DLC1: variants seen among roughly 807,000 people sequenced by gnomAD.
DLC1 encodes the protein rho GTPase-activating protein 7.
Under a neutral mutation model 140.3 loss-of-function variants are expected in DLC1, and 54 were observed. That is an observed-to-expected ratio of 0.38 (90% CI 0.31 to 0.48). The LOEUF (loss-of-function observed/expected upper bound fraction) is 0.48. DLC1 is among the 20% of genes least tolerant of loss of function. The probability of loss-of-function intolerance (pLI) is 0.96; values close to 1 mark genes in which losing one functional copy is unlikely to be tolerated. For synonymous variants in DLC1, 986 were observed against 728.1 expected (o/e 1.35, Z -5.70); for missense variants, 2,536 against 1,907.0 (o/e 1.33, Z -6.14).
chr8:13,413,099 C>G (rs944307368), intron 2 of DLC1, among the ~76,000 whole-genome samples: 3 of 152,022 alleles, frequency 2.0e-5, no homozygotes, highest in African/African-American at 7.2e-5. Flanking sequence ...GACCCTGCTA[C>G]TGATAAGGAA....
At chr8:13,221,360 T>C (rs528881465) in intron 5 of DLC1, among the ~76,000 whole-genome samples, 86 of 148,446 alleles carry the variant, frequency 5.8e-4, no homozygotes, top group African/African-American at 2.1e-3. Flanking sequence ...CTTCCAAAGG[T>C]TTTCTTTTCT....
At chr8:13,239,312 G>T (rs996963479) in intron 5 of DLC1, among the ~76,000 whole-genome samples, 14 of 151,830 alleles carry the variant, frequency 9.2e-5, no homozygotes, top group Admixed American at 8.5e-4. Flanking sequence ...TCCAGTACTG[G>T]GATGCTGTGT....
At chr8:13,570,187 C>T (rs1804596333) in intron 1 of DLC1, among the ~76,000 whole-genome samples, 1 of 152,138 alleles carries the variant, frequency 6.6e-6, no homozygotes, top group African/African-American at 2.4e-5. Context: ...CCTTTCTATT[C>T]TCATGTAATC....
chr8:13,147,427 C>G (rs935204593), intron 5 of DLC1, among the ~76,000 whole-genome samples: 1 of 152,146 alleles, frequency 6.6e-6, no homozygotes, highest in Admixed American at 6.5e-5. Flanking sequence ...CCTTCTCTCA[C>G]TCATTTCGAA....
At chr8:13,360,136 C>A (rs900426033) in intron 4 of DLC1, among the ~76,000 whole-genome samples, 3 of 152,156 alleles carry the variant, frequency 2.0e-5, no homozygotes, top group Non-Finnish European at 4.4e-5. Context: ...ACATTAATTT[C>A]ATGTGTCTGA....
Position 13,085,846 on chromosome 8 carries a change from G to T in DLC1, c.4552C>A (p.Gln1518Lys). The change falls in exon 18 of 18, where the codon CAG (glutamine) becomes AAG (lysine). Residue 1518 changes from glutamine to lysine, a missense_variant. Gln to Lys is a moderately conservative substitution (Grantham distance 53). Transcript: ENST00000276297. Reference protein sequence around the residue: ...VVKIRDSFSNQNTETKDTKSR With the variant: ...VVKIRDSFSNKNTETKDTKSR Reference sequence around the variant, plus strand: ...TTGGTGTCTTTGGTTTCAGTGTTCTGGTTACTGAAGGAATCCCGGATCTTT... The same window carrying T: ...TTGGTGTCTTTGGTTTCAGTGTTCTTGTTACTGAAGGAATCCCGGATCTTT... The T allele has an allele frequency of 6.2e-7, 1 of 1,614,118 alleles. No homozygotes were observed. Among genetic ancestry groups the T allele is most frequent in the South Asian group, 1.1e-5 (1 of 91,078 alleles).
chr8:13,481,198 C>G (rs1036319236), intron 2 of DLC1, among the ~76,000 whole-genome samples: 1 of 152,066 alleles, frequency 6.6e-6, no homozygotes. Context: ...GCCAAGGCAG[C>G]TGGATCACTT....
At chr8:13,539,644 C>T (rs1053284546) in intron 1 of DLC1, among the ~76,000 whole-genome samples, 13 of 151,994 alleles carry the variant, frequency 8.6e-5, no homozygotes, top group African/African-American at 3.1e-4. Context: ...AGGAGTTGCC[C>T]AGGGAAAGTG....
At chr8:13,108,253 T>C (rs1041928324) in intron 7 of DLC1, among the ~76,000 whole-genome samples, 1 of 152,066 alleles carries the variant, frequency 6.6e-6, no homozygotes, top group Non-Finnish European at 1.5e-5. Flanking sequence ...TTTCCTTTTT[T>C]AAAAAAGAAA....
At chr8:13,435,021 A>G (rs1196336055) in intron 2 of DLC1, among the ~76,000 whole-genome samples, 1 of 152,168 alleles carries the variant, frequency 6.6e-6, no homozygotes, top group Non-Finnish European at 1.5e-5. Context: ...GTAAGGCTAT[A>G]GCTGCCATGG....
chr8:13,094,154 CTGA>C (rs1818310644), intron 12 of DLC1, among the ~76,000 whole-genome samples: 1 of 152,216 alleles, frequency 6.6e-6, no homozygotes, highest in Non-Finnish European at 1.5e-5. Context: ...TGATCTTTAT[CTGA>C]CCAGCTCAGA....
intron 5 of DLC1, among the ~76,000 whole-genome samples, chr8:13,139,820 T>C (rs1203635005): frequency 1.3e-5 from 2 of 152,362 alleles, no homozygotes; most frequent in East Asian, 1.9e-4. Context: ...AAGTAAAACA[T>C]TGTGATCACT....
intron 2 of DLC1, among the ~76,000 whole-genome samples, chr8:13,432,599 CA>C (rs1167599578): frequency 5.9e-5 from 9 of 152,278 alleles, no homozygotes; most frequent in African/African-American, 2.2e-4. Flanking sequence ...GCTTTACACC[CA>C]TGGAGGCTGG....
At chr8:13,247,108 A>G (rs1447483691) in intron 5 of DLC1, among the ~76,000 whole-genome samples, 3 of 152,224 alleles carry the variant, frequency 2.0e-5, no homozygotes, top group African/African-American at 7.2e-5. Flanking sequence ...TTTTATAAGT[A>G]TTTAGTGCAT....
chr8:13,405,142 A>AT (rs1837469049), intron 2 of DLC1, among the ~76,000 whole-genome samples: 1 of 151,658 alleles, frequency 6.6e-6, no homozygotes, highest in African/African-American at 2.4e-5. Flanking sequence ...TAATTAACAT[A>AT]TTTTTTATTT....
intron 5 of DLC1, among the ~76,000 whole-genome samples, chr8:13,163,058 G>C (rs1268998804): frequency 2.0e-5 from 3 of 152,128 alleles, no homozygotes; most frequent in African/African-American, 4.8e-5. Flanking sequence ...TGAGACACCT[G>C]TACAGGCAGG....
chr8:13,095,319 C>T, intron 10 of DLC1, 74 bp from the exon 11 acceptor site: 1 of 1,578,524 alleles, frequency 6.3e-7, no homozygotes, highest in Non-Finnish European at 8.7e-7. Context: ...TCCAATTCTG[C>T]AGGCAAACCC....
At chr8:13,331,502 A>G (rs1193894554) in intron 4 of DLC1, among the ~76,000 whole-genome samples, 1 of 152,326 alleles carries the variant, frequency 6.6e-6, no homozygotes, top group East Asian at 1.9e-4. Context: ...TTGTTAAAAT[A>G]GCTATTGCTA....
At chr8:13,567,568 C>G (rs1261455564) in intron 1 of DLC1, 2 of 1,551,648 alleles carry the variant, frequency 1.3e-6, no homozygotes, top group East Asian at 2.4e-5. Flanking sequence ...AGCAGCTAAG[C>G]AACACATATC....
Sources: gnomAD v4.1 joint callset for allele counts (sites outside exome capture counted in the v4.1 genomes callset) on GRCh38, gnomAD v4.1.1 for gene constraint, MANE v1.5 for transcripts, NCBI Gene and HGNC (gene_info 2026-07-23, HGNC 2026-07-21) for gene names.